The following KLHDC4 variants were observed in gnomAD, a reference collection of about 807,000 sequenced individuals.
The protein encoded by KLHDC4 is kelch domain containing 4, also known as kelch domain-containing protein 4.
A neutral mutation model predicts 62.4 loss-of-function variants in KLHDC4; 90 were observed. The ratio of observed to expected loss-of-function variants is 1.44; its 90% CI spans 1.22 to 1.72. KLHDC4 has a LOEUF of 1.72. Among genes scored for constraint, KLHDC4 ranks in the 40% most tolerant of loss-of-function variants. The pLI, the probability that KLHDC4 is intolerant of heterozygous loss-of-function variation, is 0.00. For missense variants in KLHDC4, 1,025 were observed against 699.7 expected, an observed-to-expected ratio of 1.47 and a Z score of -5.25; for synonymous variants, 386 against 284.4, an observed-to-expected ratio of 1.36 and a Z score of -3.59.
intron 7 of KLHDC4, among the ~76,000 whole-genome samples, chr16:87,721,234 C>T (rs866885590): frequency 2.3e-4 from 35 of 152,098 alleles, no homozygotes; most frequent in Middle Eastern, 6.8e-3. Flanking sequence ...TCCTGGCTAA[C>T]GCAGTAAAAC....
At chr16:87,701,230 C>T (rs1025707102) in exon 1 of KLHDC4, 3 of 228,394 alleles carry the variant, frequency 1.3e-5, no homozygotes, top group South Asian at 6.4e-5. Context: ...TGAGCAGAGG[C>T]GGGGGCTGGC....
intron 2 of KLHDC4, among the ~76,000 whole-genome samples, chr16:87,758,018 C>T (rs2045261614): frequency 1.3e-5 from 2 of 152,188 alleles, no homozygotes; most frequent in South Asian, 4.1e-4. Flanking sequence ...CGGCGTTCCC[C>T]AAGGCGTGCT....
At chr16:87,718,939 C>T (rs1034369590) in intron 7 of KLHDC4, among the ~76,000 whole-genome samples, 2 of 150,156 alleles carry the variant, frequency 1.3e-5, no homozygotes, top group African/African-American at 2.5e-5. Flanking sequence ...AGGTGAGGAG[C>T]GTCTCTGCCC....
exon 1 of KLHDC4, chr16:87,699,226 T>A (rs1597315952): frequency 6.6e-6 from 1 of 152,072 alleles, no homozygotes; most frequent in Non-Finnish European, 1.5e-5. Context: ...GATGGACTGG[T>A]GCTTTCTGAA....
At chr16:87,710,005 C>T in intron 9 of KLHDC4, 1 of 287,000 alleles carries the variant, frequency 3.5e-6, no homozygotes, top group African/African-American at 2.1e-5. Flanking sequence ...CTCCGACGCT[C>T]ACCCTGGGAA....
At position 87,762,044 on chromosome 16, in the gene KLHDC4, G is replaced by A. The variant is rs757327305; in HGVS notation, c.100-4C>T. ...CTATGAGCGCTTCCAGGTCTTCCTAGGGCAAGCAAGCAGGCACACGTGAGA... is the reference window on the plus strand; with the variant it reads ...CTATGAGCGCTTCCAGGTCTTCCTAAGGCAAGCAAGCAGGCACACGTGAGA... On this transcript the variant is annotated splice_polypyrimidine_tract_variant and splice_region_variant and intron_variant, in intron 1 of 11. Coordinates refer to ENST00000270583, the MANE Select transcript of KLHDC4 (RefSeq NM_017566.4). 1.2e-6 allele frequency: 2 copies of A among 1,613,132 alleles called. No homozygotes were observed. The highest frequency in any genetic ancestry group is 1.1e-5 in the South Asian group (1 of 90,970).
intron 10 of KLHDC4, 92 bp from the exon 11 acceptor site, chr16:87,708,558 T>C: frequency 1.2e-6 from 1 of 801,402 alleles, no homozygotes; most frequent in Non-Finnish European, 1.8e-6. Flanking sequence ...CCTGGGGGGA[T>C]TCCATTTTCT....
intron 10 of KLHDC4, 178 bp from the exon 11 acceptor site, chr16:87,708,644 C>G (rs555428244): frequency 1.0e-4 from 45 of 441,978 alleles, no homozygotes; most frequent in African/African-American, 8.9e-4. Flanking sequence ...ACTGCGTTCC[C>G]CTGGGCTTCA....
intron 4 of KLHDC4, among the ~76,000 whole-genome samples, chr16:87,754,539 C>T (rs1435354344): frequency 1.3e-5 from 2 of 152,214 alleles, no homozygotes; most frequent in African/African-American, 4.8e-5. Flanking sequence ...CACAGGAATG[C>T]ATGTATCATG....
At chr16:87,747,093 C>T (rs1157912691) in intron 5 of KLHDC4, among the ~76,000 whole-genome samples, 1 of 152,200 alleles carries the variant, frequency 6.6e-6, no homozygotes. Flanking sequence ...GAACAGATAC[C>T]CACGATCCGA....
chr16:87,734,785 G>A (rs907518372), intron 5 of KLHDC4, among the ~76,000 whole-genome samples: 3 of 152,140 alleles, frequency 2.0e-5, no homozygotes, highest in Non-Finnish European at 4.4e-5. Context: ...CAGTTCCACA[G>A]ACTCCACAGC....
intron 2 of KLHDC4, among the ~76,000 whole-genome samples, chr16:87,761,001 C>T (rs1050223123): frequency 6.6e-6 from 1 of 152,144 alleles, no homozygotes; most frequent in African/African-American, 2.4e-5. Flanking sequence ...CCACTGTACT[C>T]CAGCCTGGAT....
intron 5 of KLHDC4, chr16:87,739,870 T>G (rs888502015): frequency 6.6e-6 from 1 of 152,258 alleles, no homozygotes; most frequent in African/African-American, 2.4e-5. Context: ...TTTTTCTTTC[T>G]GGGGGATGAA....
intron 4 of KLHDC4, among the ~76,000 whole-genome samples, 192 bp from the exon 5 acceptor site, chr16:87,749,001 G>T (rs548150757): frequency 7.4e-5 from 11 of 149,608 alleles, no homozygotes; most frequent in African/African-American, 2.7e-4. Flanking sequence ...AGGAAAGCAC[G>T]TCCTCAGTCA....
chr16:87,714,978 A>G (rs907285738), intron 7 of KLHDC4, among the ~76,000 whole-genome samples: 1 of 152,186 alleles, frequency 6.6e-6, no homozygotes, highest in Non-Finnish European at 1.5e-5. Flanking sequence ...GCAGAAATCA[A>G]GTTACTACTG....
At chr16:87,764,718 G>A (rs2046366040) in intron 1 of KLHDC4, among the ~76,000 whole-genome samples, 1 of 140,996 alleles carries the variant, frequency 7.1e-6, no homozygotes, top group South Asian at 2.3e-4. Context: ...CTTACTTTCT[G>A]CCAAGCACCA....
chr16:87,713,749 G>C (rs768387936), intron 8 of KLHDC4, among the ~76,000 whole-genome samples: 15 of 152,318 alleles, frequency 9.8e-5, no homozygotes, highest in Non-Finnish European at 2.2e-4. Flanking sequence ...GGCCCTCTGG[G>C]TGCCAGAGCC....
At chr16:87,698,787 A>G (rs959340626) in exon 1 of KLHDC4, 3 of 152,268 alleles carry the variant, frequency 2.0e-5, no homozygotes, top group African/African-American at 4.8e-5. Flanking sequence ...ACAGGCACGC[A>G]GTCCCTCCGC....
At chr16:87,715,537 G>A (rs2036785556) in intron 7 of KLHDC4, among the ~76,000 whole-genome samples, 1 of 152,166 alleles carries the variant, frequency 6.6e-6, no homozygotes, top group African/African-American at 2.4e-5. Flanking sequence ...AGGTTCCTCT[G>A]GGCCCTGAGC....
Sources: gnomAD v4.1 joint callset for allele counts (sites outside exome capture counted in the v4.1 genomes callset) on GRCh38, gnomAD v4.1.1 for gene constraint, MANE v1.5 for transcripts, NCBI Gene and HGNC (gene_info 2026-07-23, HGNC 2026-07-21) for gene names.